SORBS2: variants seen among roughly 807,000 people sequenced by gnomAD.
SORBS2 encodes the protein sorbin and SH3 domain-containing protein 2.
SORBS2 carries 46 observed loss-of-function variants against 97.7 expected under a neutral mutation model. The observed-to-expected ratio is 0.47, with a 90% CI of 0.37 to 0.60. The LOEUF (loss-of-function observed/expected upper bound fraction) is 0.60, where lower values mean the gene tolerates loss of function less well. Among genes scored for constraint, SORBS2 ranks in the 20% least tolerant of loss-of-function variants. SORBS2 has a pLI of 0.00. For synonymous variants in SORBS2, 476 were observed against 473.4 expected, an observed-to-expected ratio of 1.01 and a Z score of -0.07; for missense variants, 1,316 against 1,282.3, an observed-to-expected ratio of 1.03 and a Z score of -0.40.
intron 1 of SORBS2, among the ~76,000 whole-genome samples, chr4:185,804,130 T>G (rs1471264232): frequency 1.3e-5 from 2 of 152,210 alleles, no homozygotes; most frequent in Non-Finnish European, 2.9e-5. Flanking sequence ...AAAAGCATAC[T>G]GACCAAAAAC....
At chr4:185,624,066 T>C in exon 7 of SORBS2, 1 of 1,614,152 alleles carries the variant, frequency 6.2e-7, no homozygotes. Flanking sequence ...TTGTACATCT[T>C]CAGGAACCCC....
rs146607418 is a variant in SORBS2, at chr4:185,789,464, A to G, written c.-337-14098T>C. Among the ~76,000 whole-genome samples, 1,171 of 151,476 alleles carry G rather than the reference A, an allele frequency of 7.7e-3. 8 individuals carry two copies. Among genetic ancestry groups the G allele is most frequent in the Middle Eastern group, 0.017 (5 of 290 alleles). On this transcript the variant is annotated intron_variant, in intron 1 of 20. Coordinates refer to the SORBS2 transcript ENST00000284776. ...CAAAGTATAATTTATGAAATAAATCATATTTATAAGTATAATTAATATATA... is the reference window on the plus strand; with the variant it reads ...CAAAGTATAATTTATGAAATAAATCGTATTTATAAGTATAATTAATATATA...
intron 4 of SORBS2, 46 bp from the exon 14 acceptor site, chr4:185,639,081 C>G: frequency 6.8e-7 from 1 of 1,469,736 alleles, no homozygotes; most frequent in African/African-American, 1.5e-5. Flanking sequence ...GATGGAGGCT[C>G]TGGGCGGAAC....
intron 1 of SORBS2, among the ~76,000 whole-genome samples, chr4:185,868,159 C>CTTTTTTTTTTTTTTTTTTTT (rs112680775): frequency 5.7e-5 from 6 of 105,222 alleles, no homozygotes; most frequent in African/African-American, 7.8e-5. Flanking sequence ...TTTTTTCTTT[C>CTTTTTTTTTTTTTTTTTTTT]TTTTTTTTTT....
At chr4:185,766,349 T>G (rs985508447) in intron 2 of SORBS2, among the ~76,000 whole-genome samples, 9 of 152,348 alleles carry the variant, frequency 5.9e-5, no homozygotes, top group Admixed American at 1.3e-4. Flanking sequence ...TACATTTAGA[T>G]GGCCATATTG....
chr4:185,814,636 C>A lies in SORBS2; in HGVS notation c.-337-39270G>T, dbSNP rs144288618. ...AAGGCCTTCATCCTTCTTCTTGTAT[C>A]TCCTCCTCCCCTATACCTCCAATTC... is the stretch of plus-strand genomic sequence containing the variant. On this transcript the variant is annotated intron_variant, in intron 1 of 20. Coordinates refer to the SORBS2 transcript ENST00000284776. Among the ~76,000 whole-genome samples the A allele has an allele frequency of 1.9e-3, 289 of 152,302 alleles. 1 individual carries two copies. Among genetic ancestry groups the A allele is most frequent in the African/African-American group, 5.3e-3 (221 of 41,564 alleles).
At chr4:185,670,699 A>T (rs184449701) in intron 4 of SORBS2, among the ~76,000 whole-genome samples, 2 of 152,122 alleles carry the variant, frequency 1.3e-5, no homozygotes, top group Non-Finnish European at 1.5e-5. Flanking sequence ...GGGTTTTAAA[A>T]AAACCAATCT....
chr4:185,616,373 A>G (rs1396520627), intron 9 of SORBS2, among the ~76,000 whole-genome samples: 1 of 152,252 alleles, frequency 6.6e-6, no homozygotes, highest in African/African-American at 2.4e-5. Flanking sequence ...CAGTAACCCT[A>G]AAAACAAAGA....
chr4:185,903,410 A>C (rs1303488409), intron 1 of SORBS2, among the ~76,000 whole-genome samples: 1 of 152,184 alleles, frequency 6.6e-6, no homozygotes, highest in Non-Finnish European at 1.5e-5. Context: ...TTTTCTCTCC[A>C]CTTTGGCTTG....
At chr4:185,677,510 G>T in intron 4 of SORBS2, 1 of 1,551,402 alleles carries the variant, frequency 6.4e-7, no homozygotes, top group Non-Finnish European at 8.7e-7. Context: ...GAGGTTTTTT[G>T]TTAGCAAAGT....
At chr4:185,829,860 G>A (rs1439328447) in intron 1 of SORBS2, among the ~76,000 whole-genome samples, 1 of 151,992 alleles carries the variant, frequency 6.6e-6, no homozygotes, top group Non-Finnish European at 1.5e-5. Context: ...AACTTCTTTA[G>A]TGCTACCAAA....
chr4:185,661,189 T>A (rs2097512807), upstream of SORBS2, among the ~76,000 whole-genome samples: 1 of 150,756 alleles, frequency 6.6e-6, no homozygotes, highest in Non-Finnish European at 1.5e-5. Context: ...GGCAGGAGCA[T>A]CACTGGAACC....
chr4:185,800,389 T>C (rs2099124477), intron 1 of SORBS2, among the ~76,000 whole-genome samples: 1 of 152,108 alleles, frequency 6.6e-6, no homozygotes, highest in East Asian at 1.9e-4. Context: ...AGAGTGTGAG[T>C]CAGTGCCGTT....
At chr4:185,727,032 T>C (rs1393723912) in intron 2 of SORBS2, among the ~76,000 whole-genome samples, 1 of 152,080 alleles carries the variant, frequency 6.6e-6, no homozygotes, top group Admixed American at 6.5e-5. Flanking sequence ...CCAAGCGAGT[T>C]TGGATTTAGG....
intron 1 of SORBS2, among the ~76,000 whole-genome samples, chr4:185,795,993 A>T (rs1289431008): frequency 1.3e-5 from 2 of 152,052 alleles, no homozygotes; most frequent in African/African-American, 2.4e-5. Flanking sequence ...CCCCAGCCCT[A>T]CTGTCCTGTC....
intron 1 of SORBS2, among the ~76,000 whole-genome samples, chr4:185,945,489 A>G (rs915825603): frequency 2.0e-5 from 3 of 152,246 alleles, no homozygotes; most frequent in African/African-American, 7.2e-5. Context: ...TCAAATCCCA[A>G]GTTATTTCCC....
chr4:185,786,980 CAA>C (rs57734265), intron 1 of SORBS2, among the ~76,000 whole-genome samples: 4 of 100,260 alleles, frequency 4.0e-5, no homozygotes, highest in Admixed American at 1.2e-4. Context: ...GGCTCTGTCT[CAA>C]AAAAAAAAAA....
chr4:185,879,178 C>CAA (rs1269690939), intron 1 of SORBS2, among the ~76,000 whole-genome samples: 7 of 126,000 alleles, frequency 5.6e-5, no homozygotes, highest in Non-Finnish European at 1.2e-4. Flanking sequence ...CCCCCCCCCA[C>CAA]CCCACGACAG....
chr4:185,737,525 C>T (rs1397655405), intron 2 of SORBS2, among the ~76,000 whole-genome samples: 1 of 152,146 alleles, frequency 6.6e-6, no homozygotes, highest in East Asian at 1.9e-4. Flanking sequence ...AAACATAAAA[C>T]CTAAAATACT....
Sources: gnomAD v4.1 joint callset for allele counts (sites outside exome capture counted in the v4.1 genomes callset) on GRCh38, gnomAD v4.1.1 for gene constraint, MANE v1.5 for transcripts, NCBI Gene and HGNC (gene_info 2026-07-23, HGNC 2026-07-21) for gene names.